The following DYNC2H1 variants were observed in gnomAD, a reference collection of about 807,000 sequenced individuals.
The protein encoded by DYNC2H1 is dynein cytoplasmic 2 heavy chain 1.
In DYNC2H1, 410 loss-of-function variants were observed where a neutral mutation model predicts 570.0. The observed-to-expected ratio is 0.72, with a 90% CI of 0.66 to 0.78. The LOEUF (loss-of-function observed/expected upper bound fraction) is 0.78. DYNC2H1 is among the 30% of genes least tolerant of loss of function. The pLI is 0.00. For missense variants in DYNC2H1, 4,865 were observed against 5,046.4 expected (o/e 0.96, Z 1.09); for synonymous variants, 1,688 against 1,677.6 (o/e 1.01, Z -0.15).
intron 4 of DYNC2H1, among the ~76,000 whole-genome samples, chr11:103,116,243 G>A (rs925048971): frequency 1.3e-5 from 2 of 152,168 alleles, no homozygotes; most frequent in African/African-American, 4.8e-5. Flanking sequence ...GCGAACTACA[G>A]TGGGTAGTGT....
At chr11:103,301,207 A>G (rs1191134085) in intron 75 of DYNC2H1, among the ~76,000 whole-genome samples, 1 of 151,946 alleles carries the variant, frequency 6.6e-6, no homozygotes, top group Non-Finnish European at 1.5e-5. Flanking sequence ...TATGGCTATC[A>G]GAAATTACTC....
chr11:103,342,280 CA>C (rs1939485259), intron 82 of DYNC2H1, among the ~76,000 whole-genome samples: 3 of 152,230 alleles, frequency 2.0e-5, no homozygotes, highest in South Asian at 2.1e-4. Flanking sequence ...ATGGACCAAT[CA>C]GCACCCTGTA....
chr11:103,306,958 A>C (rs1867313739), intron 77 of DYNC2H1, among the ~76,000 whole-genome samples: 1 of 152,176 alleles, frequency 6.6e-6, no homozygotes, highest in Admixed American at 6.5e-5. Context: ...ACTGTGGGAA[A>C]AATTTACAAA....
At chr11:103,293,211 T>C (rs1428640046) in intron 75 of DYNC2H1, among the ~76,000 whole-genome samples, 1 of 152,196 alleles carries the variant, frequency 6.6e-6, no homozygotes, top group Non-Finnish European at 1.5e-5. Flanking sequence ...TGGAAGCTTT[T>C]TTTTGCCTTT....
chr11:103,313,468 G>C (rs988362812), intron 79 of DYNC2H1, among the ~76,000 whole-genome samples: 7 of 151,700 alleles, frequency 4.6e-5, no homozygotes, highest in African/African-American at 1.7e-4. Context: ...TTTTCAACTT[G>C]GTCCACTTCT....
At chr11:103,368,479 T>C (rs961556840) in intron 83 of DYNC2H1, among the ~76,000 whole-genome samples, 1 of 152,130 alleles carries the variant, frequency 6.6e-6, no homozygotes, top group African/African-American at 2.4e-5. Context: ...TCCTTTTACA[T>C]TCTGGATATT....
At chr11:103,288,880 CAAA>C (rs546404582) in intron 75 of DYNC2H1, among the ~76,000 whole-genome samples, 5 of 80,114 alleles carry the variant, frequency 6.2e-5, no homozygotes, top group Non-Finnish European at 5.0e-5. Context: ...GACTCAATCT[CAAA>C]AAAAAAAAAA....
intron 82 of DYNC2H1, among the ~76,000 whole-genome samples, chr11:103,354,480 T>C (rs189899649): frequency 1.4e-4 from 22 of 152,232 alleles, no homozygotes; most frequent in Non-Finnish European, 2.8e-4. Flanking sequence ...GTTTTATTTC[T>C]GTTGTATATT....
chr11:103,165,806 G>T, intron 30 of DYNC2H1, 92 bp from the exon 31 acceptor site: 2 of 989,004 alleles, frequency 2.0e-6, no homozygotes, highest in Non-Finnish European at 2.9e-6. Context: ...ATATACAATT[G>T]GCTATTTGAA....
chr11:103,335,442 A>G (rs1213119206), intron 82 of DYNC2H1, among the ~76,000 whole-genome samples: 3 of 152,094 alleles, frequency 2.0e-5, no homozygotes, highest in Non-Finnish European at 4.4e-5. Context: ...AAATTTTCTG[A>G]TCTAGGAATG....
rs1181378678 is a variant in DYNC2H1 at position 103,268,895 on chromosome 11, GA to G, written c.10695+8921del. 6.6e-6 allele frequency among the ~76,000 whole-genome samples: 1 copy of G among 151,990 alleles called. No individual in the cohort carries two copies. The highest frequency in any genetic ancestry group is 1.5e-5 in the Non-Finnish European group (1 of 67,942). The stretch of plus-strand genomic sequence containing the variant: ...TTAGTAATACAGTATATTCACTGAT[GA>G]AATTTGAACCCCTGTGTCATATTTT... On this transcript the variant is annotated intron_variant, in intron 70 of 88. Coordinates refer to ENST00000375735, the MANE Select transcript of DYNC2H1 (RefSeq NM_001377.3). The surrounding 1 kb of genome is among the most constrained non-coding windows in gnomAD (Gnocchi z 4.6).
At chr11:103,136,858 C>T (rs1158490256) in intron 17 of DYNC2H1, among the ~76,000 whole-genome samples, 1 of 152,078 alleles carries the variant, frequency 6.6e-6, no homozygotes, top group East Asian at 1.9e-4. Context: ...TGAAAGTGTT[C>T]CTATTTCTCC....
chr11:103,229,896 C>T (rs2052701908), intron 59 of DYNC2H1, among the ~76,000 whole-genome samples: 2 of 152,132 alleles, frequency 1.3e-5, no homozygotes, highest in Admixed American at 1.3e-4. Flanking sequence ...ATAGTTTTAG[C>T]TCACAATTTT....
intron 1 of DYNC2H1, among the ~76,000 whole-genome samples, 181 bp downstream of exon 1, chr11:103,109,950 A>G (rs1035471379): frequency 6.6e-6 from 1 of 152,192 alleles, no homozygotes; most frequent in Non-Finnish European, 1.5e-5. Flanking sequence ...TTAAGCAGGT[A>G]GTTTCCAAGC....
rs201043335 is a variant in DYNC2H1 at position 103,154,567 on chromosome 11, G to T, written c.3419G>T (p.Gly1140Val). The T allele has an allele frequency of 5.8e-4, 922 of 1,602,696 alleles. No individual in the cohort carries two copies. Among genetic ancestry groups the T allele is most frequent in the Non-Finnish European group, 7.1e-4 (837 of 1,174,630 alleles). Residue 1140 changes from glycine (G) to valine (V), a missense_variant, in exon 23 of 89, where the codon GGA (glycine) becomes GTA (valine). Around this residue, in one of 5 missense-constraint regions of DYNC2H1, gnomAD observed 1,936 missense variants for 1,962.1 expected, o/e 0.99. Transcript: ENST00000375735. ...GCCTTTTATGAAGAGTTTCAACAAG[G>T]ATTTCAGGAAATGGCCAATGAAGAC... is the stretch of plus-strand genomic sequence containing the variant. Reference protein sequence around the residue: ...IWAFYEEFQQGFQEMANEDWI... With the variant: ...IWAFYEEFQQVFQEMANEDWI...
rs1001519250 is a variant in DYNC2H1 at position 103,239,166 on chromosome 11, T to C, written c.9819+2627T>C. On this transcript the variant is annotated intron_variant, in intron 63 of 88. Coordinates refer to ENST00000375735, the MANE Select transcript of DYNC2H1 (RefSeq NM_001377.3). The surrounding 1 kb of genome is among the most constrained non-coding windows in gnomAD (Gnocchi z 4.3). ...TGTGATGACATCTATTGAATATTTG[T>C]GTTTTATTGTTATAGACAGTTCAGT... is the stretch of plus-strand genomic sequence containing the variant. 2.6e-5 allele frequency among the ~76,000 whole-genome samples: 4 copies of C among 152,198 alleles called. No individual in the cohort carries two copies. The highest frequency in any genetic ancestry group is 9.6e-5 in the African/African-American group (4 of 41,462).
chr11:103,284,975 A>G (rs544073942), intron 73 of DYNC2H1, among the ~76,000 whole-genome samples: 1 of 152,358 alleles, frequency 6.6e-6, no homozygotes, highest in Admixed American at 6.5e-5. Context: ...GATATTGTTT[A>G]AAGTGAATAT....
chr11:103,392,495 C>T (rs1176069441), intron 83 of DYNC2H1, among the ~76,000 whole-genome samples: 2 of 152,226 alleles, frequency 1.3e-5, no homozygotes, highest in East Asian at 3.9e-4. Flanking sequence ...TGGTGCGCTG[C>T]ACCCACTGTC....
At position 103,135,907 on chromosome 11, in the gene DYNC2H1, G is replaced by A. The variant is rs879676957; in HGVS notation, c.2533G>A (p.Asp845Asn). Residue 845 changes from aspartate to asparagine, a missense_variant, in exon 17 of 89, where the codon GAT becomes AAT. By Grantham distance (23) the Asp-to-Asn change is conservative. Around this residue, in one of 5 missense-constraint regions of DYNC2H1, gnomAD observed 1,936 missense variants for 1,962.1 expected, o/e 0.99. Transcript: ENST00000375735. ...TTTGACGATTTTCAGCAAAGCAGAA[G>A]ATCTGTTTAGAAGATTGTCAGCTGT... ...GFLTIFSKAE[D>N]LFRRLSAVLH... 4.3e-6 allele frequency: 7 copies of A among 1,612,440 alleles called. No homozygotes were observed. Among genetic ancestry groups the A allele is most frequent in the Middle Eastern group, 3.3e-4 (2 of 6,046 alleles).
Sources: allele counts gnomAD v4.1 joint callset (sites outside exome capture counted in the v4.1 genomes callset), GRCh38; gene constraint gnomAD v4.1.1; regional missense constraint gnomAD v4.1.1; non-coding constraint Gnocchi (gnomAD v3.1); transcripts MANE v1.5; gene names NCBI Gene and HGNC (gene_info 2026-07-23, HGNC 2026-07-21).